The following FAM81A variants were observed in gnomAD, a reference collection of about 807,000 sequenced individuals.
FAM81A encodes protein FAM81A.
FAM81A carries 19 observed loss-of-function variants against 46.7 expected under a neutral mutation model. The observed-to-expected ratio is 0.41, with a 90% confidence interval of 0.28 to 0.60. The LOEUF is 0.60. Among genes scored for constraint, FAM81A ranks in the 20% least tolerant of loss-of-function variants. The pLI, the probability that FAM81A is intolerant of heterozygous loss-of-function variation, is 0.34. For synonymous variants in FAM81A, 183 were observed against 152.9 expected, an observed-to-expected ratio of 1.20 and a Z score of -1.45; for missense variants, 377 against 453.5, an observed-to-expected ratio of 0.83 and a Z score of 1.53.
chr15:59,493,691 G>A (rs1307766531), intron 4 of FAM81A, among the ~76,000 whole-genome samples: 1 of 152,022 alleles, frequency 6.6e-6, no homozygotes, highest in African/African-American at 2.4e-5. Flanking sequence ...GGATTCAAGC[G>A]ATTCTCCTGC....
chr15:59,500,379 T>C lies in FAM81A; in HGVS notation c.414-6834T>C, dbSNP rs547904308. Among the ~76,000 whole-genome samples, 190 of 152,236 alleles carry C rather than the reference T, an allele frequency of 1.2e-3. 1 individual carries two copies. The highest frequency in any genetic ancestry group is 4.5e-3 in the African/African-American group (186 of 41,540). On this transcript the variant is annotated intron_variant, in intron 4 of 8. Coordinates refer to ENST00000288228, the MANE Select transcript of FAM81A (RefSeq NM_152450.3). ...GTGGCAAGATCATGGCTCATTGTAATCTCAAACTGCTGGGCTCAAGCGACC... is the reference window on the plus strand; with the variant it reads ...GTGGCAAGATCATGGCTCATTGTAACCTCAAACTGCTGGGCTCAAGCGACC...
At chr15:59,482,299 G>C (rs1308009726) in intron 3 of FAM81A, among the ~76,000 whole-genome samples, 1 of 152,052 alleles carries the variant, frequency 6.6e-6, no homozygotes, top group Non-Finnish European at 1.5e-5. Context: ...ATGGGGTTTT[G>C]CTCTTGTCAT....
At chr15:59,464,574 T>C (rs1054075801) in intron 3 of FAM81A, among the ~76,000 whole-genome samples, 5 of 152,212 alleles carry the variant, frequency 3.3e-5, no homozygotes, top group East Asian at 1.9e-4. Context: ...ATTAGTGATA[T>C]TGGGCCTTTT....
intron 4 of FAM81A, among the ~76,000 whole-genome samples, chr15:59,500,803 T>A (rs72749172): frequency 0.027 from 4,145 of 152,162 alleles, 80 homozygotes; most frequent in South Asian, 0.042. Flanking sequence ...CCTCTATCAA[T>A]TTTTTGTTCC....
chr15:59,505,239 C>G (rs2082136507), intron 4 of FAM81A, among the ~76,000 whole-genome samples: 3 of 152,096 alleles, frequency 2.0e-5, no homozygotes, highest in South Asian at 4.1e-4. Context: ...GGGCTGGGCG[C>G]GGTGGCACAC....
chr15:59,507,142 G>A, intron 4 of FAM81A, 71 bp from the exon 5 acceptor site: 1 of 1,524,904 alleles, frequency 6.6e-7, no homozygotes, highest in Non-Finnish European at 8.8e-7. Flanking sequence ...GCATTTCAGA[G>A]TGTATAAGGA....
chr15:59,484,089 T>A (rs1200892979), intron 3 of FAM81A, among the ~76,000 whole-genome samples: 5 of 151,956 alleles, frequency 3.3e-5, no homozygotes, highest in African/African-American at 1.2e-4. Flanking sequence ...CTCCAGTGAG[T>A]AGAGAGAGCA....
At chr15:59,423,820 A>G (rs2081184860) in intron 2 of FAM81A, among the ~76,000 whole-genome samples, 1 of 152,182 alleles carries the variant, frequency 6.6e-6, no homozygotes, top group South Asian at 2.1e-4. Context: ...ATTTATAACT[A>G]TTACTGCCTC....
intron 3 of FAM81A, among the ~76,000 whole-genome samples, chr15:59,476,780 AC>A (rs1368522474): frequency 6.6e-6 from 1 of 151,624 alleles, no homozygotes; most frequent in Non-Finnish European, 1.5e-5. Flanking sequence ...ACAGAGCAAG[AC>A]TCCATCTCTA....
chr15:59,438,700 T>C (rs1033262549), intron 1 of FAM81A: 2 of 152,236 alleles, frequency 1.3e-5, no homozygotes, highest in African/African-American at 4.8e-5. Context: ...TAGGGGGTCT[T>C]TGCAGTTCCA....
intron 2 of FAM81A, among the ~76,000 whole-genome samples, chr15:59,402,577 G>C (rs2081076178): frequency 6.6e-6 from 1 of 152,104 alleles, no homozygotes; most frequent in Admixed American, 6.5e-5. Flanking sequence ...GTCTCACTCT[G>C]TCTTCCAGGT....
chr15:59,474,224 GTACAATA>G (rs1402865596), intron 3 of FAM81A, among the ~76,000 whole-genome samples: 1 of 152,146 alleles, frequency 6.6e-6, no homozygotes, highest in East Asian at 1.9e-4. Flanking sequence ...GCATTGTCTA[GTACAATA>G]TTTGGAGCAA....
intron 2 of FAM81A, among the ~76,000 whole-genome samples, chr15:59,424,990 C>T (rs2081189207): frequency 6.6e-6 from 1 of 152,196 alleles, no homozygotes; most frequent in South Asian, 2.1e-4. Context: ...CTGCAACTTT[C>T]AAACTTCAAC....
At chr15:59,512,471 CAAAAAAAAAAA>C (rs766904849) in intron 6 of FAM81A, among the ~76,000 whole-genome samples, 15 of 13,682 alleles carry the variant, frequency 1.1e-3, no homozygotes, top group Middle Eastern at 0.05. Context: ...AACTCCATCT[CAAAAAAAAAAA>C]AAAAAAAAAA....
chr15:59,419,086 G>C (rs371260877), intron 2 of FAM81A, among the ~76,000 whole-genome samples: 11 of 152,308 alleles, frequency 7.2e-5, no homozygotes, highest in African/African-American at 2.6e-4. Flanking sequence ...CTGGTAGTTG[G>C]TTACTAAAAT....
chr15:59,465,852 C>A (rs546626740), intron 3 of FAM81A, among the ~76,000 whole-genome samples: 2 of 152,134 alleles, frequency 1.3e-5, no homozygotes, highest in Non-Finnish European at 2.9e-5. Context: ...CCCAGCCCCC[C>A]GTCCGCTGAC....
intron 1 of FAM81A, among the ~76,000 whole-genome samples, chr15:59,441,641 A>C (rs944560022): frequency 1.3e-5 from 2 of 152,190 alleles, no homozygotes; most frequent in African/African-American, 4.8e-5. Flanking sequence ...TCCTGGCTGC[A>C]GATCTGAGGC....
chr15:59,487,573 C>T (rs1419753967), intron 3 of FAM81A, among the ~76,000 whole-genome samples: 1 of 151,656 alleles, frequency 6.6e-6, no homozygotes, highest in African/African-American at 2.4e-5. Context: ...AAAAGGAGAC[C>T]TTACAACCCA....
chr15:59,482,245 G>A (rs559808920), intron 3 of FAM81A, among the ~76,000 whole-genome samples: 2 of 152,110 alleles, frequency 1.3e-5, no homozygotes, highest in African/African-American at 4.8e-5. Context: ...ATTGGTTATA[G>A]CCTTTGTCAT....
Sources: gnomAD v4.1 joint callset for allele counts (sites outside exome capture counted in the v4.1 genomes callset) on GRCh38, gnomAD v4.1.1 for gene constraint, MANE v1.5 for transcripts, NCBI Gene and HGNC (gene_info 2026-07-23, HGNC 2026-07-21) for gene names.